The following PDE4D variants were observed in gnomAD, a reference collection of about 807,000 sequenced individuals.
PDE4D encodes the protein phosphodiesterase 4D.
PDE4D carries 24 observed loss-of-function variants against 87.4 expected under a neutral mutation model. That is an observed-to-expected ratio of 0.27 (90% CI 0.20 to 0.39). The LOEUF (loss-of-function observed/expected upper bound fraction) is 0.39, where lower values mean the gene tolerates loss of function less well. PDE4D is among the 10% of genes least tolerant of loss of function. The probability of loss-of-function intolerance (pLI) is 1.00; values close to 1 mark genes in which losing one functional copy is unlikely to be tolerated. For missense variants in PDE4D, 714 were observed against 1,041.0 expected (o/e 0.69, Z 4.32); for synonymous variants, 384 against 383.2 (o/e 1.00, Z -0.02).
rs527492460 is a variant in PDE4D at position 59,051,109 on chromosome 5, C to T, written c.809-12138G>A. Among the ~76,000 whole-genome samples the T allele has an allele frequency of 7.9e-5, 12 of 152,334 alleles. 1 individual carries two copies. Among genetic ancestry groups the T allele is most frequent in the Middle Eastern group, 6.8e-3 (2 of 294 alleles). On this transcript the variant is annotated intron_variant, in intron 5 of 14. Coordinates refer to ENST00000340635, the MANE Select transcript of PDE4D (RefSeq NM_001104631.2). ...CTTTTAGACCAGGCACAGTGGCTTA[C>T]GCCTGTAATCCCAGCACTCTGGGAG...
intron 1 of PDE4D, among the ~76,000 whole-genome samples, chr5:59,238,801 C>T (rs916725813): frequency 5.9e-5 from 9 of 152,152 alleles, no homozygotes; most frequent in African/African-American, 2.2e-4. Context: ...CAAGATGTAA[C>T]AATCTCTCTC....
chr5:60,472,190 T>C (rs1315627997), intron 1 of PDE4D, among the ~76,000 whole-genome samples: 2 of 152,188 alleles, frequency 1.3e-5, no homozygotes, highest in Non-Finnish European at 2.9e-5. Flanking sequence ...TTATAAATAA[T>C]AACACTTTAC....
At position 58,970,172 on chromosome 5, in the gene PDE4D, G is replaced by A. The variant is rs576414565; in HGVS notation, c.*4492C>T. 4 of 152,198 alleles carry A rather than the reference G, an allele frequency of 2.6e-5. No individual in the cohort carries two copies. Among genetic ancestry groups the A allele is most frequent in the African/African-American group, 9.6e-5 (4 of 41,536 alleles). 9.4% of individuals were successfully genotyped at this position (152,198 alleles called of 1,614,324 possible). A position where few individuals can be genotyped will look rare whatever the true frequency, so the allele number is the denominator to read the frequency against. ...CCCCGTGGGCTGTAAGAGAGGCTAA[G>A]AAACCACTAAAAGAATAATCATTTG... On this transcript the variant is annotated 3_prime_UTR_variant, in exon 15 of 15. Transcript: ENST00000340635.
At chr5:59,066,329 T>A (rs551304251) in intron 5 of PDE4D, among the ~76,000 whole-genome samples, 1 of 152,142 alleles carries the variant, frequency 6.6e-6, no homozygotes, top group African/African-American at 2.4e-5. Context: ...TTTTGATGTG[T>A]CACAAAAGGA....
At chr5:60,416,518 A>G (rs1742584903) in intron 1 of PDE4D, among the ~76,000 whole-genome samples, 1 of 152,108 alleles carries the variant, frequency 6.6e-6, no homozygotes, top group African/African-American at 2.4e-5. Flanking sequence ...CCCTGACTTA[A>G]GAGCTGTAAC....
chr5:59,709,017 A>G (rs1753832820), intron 1 of PDE4D, among the ~76,000 whole-genome samples: 1 of 151,998 alleles, frequency 6.6e-6, no homozygotes, highest in Non-Finnish European at 1.5e-5. Flanking sequence ...TGATAGCAGA[A>G]TCATAACATT....
chr5:59,977,781 G>T (rs914619836), intron 3 of PDE4D, among the ~76,000 whole-genome samples: 10 of 152,164 alleles, frequency 6.6e-5, no homozygotes, highest in Admixed American at 5.9e-4. Flanking sequence ...TGGCTTCAAA[G>T]CTTCAAAGGA....
intron 1 of PDE4D, among the ~76,000 whole-genome samples, chr5:60,315,330 GTTGT>G (rs1230287002): frequency 1.3e-5 from 2 of 152,192 alleles, no homozygotes; most frequent in African/African-American, 2.4e-5. Flanking sequence ...TGTTGATGGG[GTTGT>G]TTGTTTTTTT....
intron 1 of PDE4D, among the ~76,000 whole-genome samples, chr5:59,220,259 G>A (rs892168215): frequency 2.0e-5 from 3 of 151,362 alleles, no homozygotes; most frequent in African/African-American, 4.9e-5. Context: ...GCTCATGCCT[G>A]TAATCCCGAC....
chr5:59,643,493 T>C (rs1741949334), intron 1 of PDE4D, among the ~76,000 whole-genome samples: 1 of 152,238 alleles, frequency 6.6e-6, no homozygotes, highest in Non-Finnish European at 1.5e-5. Flanking sequence ...TCAGTTTTGG[T>C]AATTTTCTCA....
chr5:59,513,411 T>G (rs1810591926), intron 1 of PDE4D, among the ~76,000 whole-genome samples: 1 of 152,190 alleles, frequency 6.6e-6, no homozygotes, highest in Non-Finnish European at 1.5e-5. Flanking sequence ...ATGCATTACA[T>G]TAATTATGCA....
At chr5:60,153,969 A>G (rs1271646192) in intron 2 of PDE4D, among the ~76,000 whole-genome samples, 1 of 152,184 alleles carries the variant, frequency 6.6e-6, no homozygotes, top group Non-Finnish European at 1.5e-5. Flanking sequence ...ACAATACTGT[A>G]TTGTCTACTT....
intron 1 of PDE4D, among the ~76,000 whole-genome samples, chr5:59,888,022 T>C (rs771595457): frequency 3.3e-5 from 5 of 152,154 alleles, no homozygotes; most frequent in Non-Finnish European, 2.9e-5. Flanking sequence ...TTAAGTAATT[T>C]AACCCCTCAT....
At chr5:60,101,853 C>T (rs1414932720) in intron 2 of PDE4D, among the ~76,000 whole-genome samples, 5 of 152,066 alleles carry the variant, frequency 3.3e-5, no homozygotes, top group Non-Finnish European at 7.4e-5. Flanking sequence ...GTTTAATTTT[C>T]CTTTATTATT....
chr5:59,542,813 G>T (rs527459660), intron 1 of PDE4D, among the ~76,000 whole-genome samples: 16 of 152,078 alleles, frequency 1.1e-4, no homozygotes, highest in Non-Finnish European at 1.9e-4. Context: ...TATACAGTAT[G>T]TAAGAAAAAA....
chr5:59,098,354 G>A (rs1213115673), intron 5 of PDE4D, among the ~76,000 whole-genome samples: 1 of 151,994 alleles, frequency 6.6e-6, no homozygotes, highest in African/African-American at 2.4e-5. Context: ...AAGTGAATTA[G>A]GCATCTAGTA....
chr5:60,235,512 A>G (rs1339375201), intron 1 of PDE4D, among the ~76,000 whole-genome samples: 1 of 151,834 alleles, frequency 6.6e-6, no homozygotes, highest in African/African-American at 2.4e-5. Flanking sequence ...TTAGGCTGTA[A>G]ACCAGAATGA....
intron 1 of PDE4D, among the ~76,000 whole-genome samples, chr5:59,242,278 G>A (rs182537121): frequency 1.3e-5 from 2 of 152,218 alleles, no homozygotes; most frequent in African/African-American, 4.8e-5. Flanking sequence ...GATACAAGGT[G>A]CAGATTATAG....
intron 2 of PDE4D, among the ~76,000 whole-genome samples, chr5:60,103,206 G>A (rs775504758): frequency 5.3e-5 from 8 of 152,172 alleles, no homozygotes; most frequent in East Asian, 1.9e-4. Flanking sequence ...GAACAGACAC[G>A]ACAGCCTAAG....
Sources: allele counts gnomAD v4.1 joint callset (sites outside exome capture counted in the v4.1 genomes callset), GRCh38; gene constraint gnomAD v4.1.1; transcripts MANE v1.5; gene names NCBI Gene and HGNC (gene_info 2026-07-23, HGNC 2026-07-21).